The following DGKI variants were observed in gnomAD, a reference collection of about 807,000 sequenced individuals.
DGKI encodes DAG kinase iota.
In DGKI, 55 loss-of-function variants were observed where a neutral mutation model predicts 147.5. That is an observed-to-expected ratio of 0.37 (90% CI 0.30 to 0.47). The LOEUF is 0.47. Ranked by LOEUF, DGKI falls within the 20% of genes least tolerant of loss-of-function variation. DGKI has a pLI of 1.00. For missense variants in DGKI, 1,007 were observed against 1,323.8 expected, an observed-to-expected ratio of 0.76 and a Z score of 3.71; for synonymous variants, 469 against 477.1, an observed-to-expected ratio of 0.98 and a Z score of 0.22.
chr7:137,678,661 A>C lies in DGKI; in HGVS notation c.511-9T>G. ...CCATTCACGGCATTCTCCTGCAAGG[A>C]AAAGACCCACCTGACATCAATTTTT... On this transcript the variant is annotated splice_polypyrimidine_tract_variant and intron_variant, in intron 2 of 32. Coordinates refer to ENST00000614521, the MANE Select transcript of DGKI (RefSeq NM_001321708.2). The C allele has an allele frequency of 6.2e-7, 1 of 1,610,450 alleles. No homozygotes were observed. The highest frequency in any genetic ancestry group is 8.5e-7 in the Non-Finnish European group (1 of 1,179,274).
chr7:137,464,038 C>T (rs2128925531), intron 26 of DGKI, among the ~76,000 whole-genome samples: 1 of 152,028 alleles, frequency 6.6e-6, no homozygotes, highest in East Asian at 1.9e-4. Context: ...GGAGCTAGAG[C>T]TAACAGAGGT....
At chr7:137,821,571 C>G (rs951311024) in intron 1 of DGKI, among the ~76,000 whole-genome samples, 1 of 151,290 alleles carries the variant, frequency 6.6e-6, no homozygotes, top group African/African-American at 2.4e-5. Flanking sequence ...CTATGGTGAG[C>G]TGGACACATA....
chr7:137,420,046 T>G lies in DGKI; in HGVS notation c.2762-7839A>C, dbSNP rs572069883. On this transcript the variant is annotated intron_variant, in intron 28 of 32. Coordinates refer to ENST00000614521, the MANE Select transcript of DGKI (RefSeq NM_001321708.2). ...CTGGCAGCAGTTGGAGCTGCTCCACTAAGAGCTGAAAGATCCAGTTCAAAT... is the reference window on the plus strand; with the variant it reads ...CTGGCAGCAGTTGGAGCTGCTCCACGAAGAGCTGAAAGATCCAGTTCAAAT... 3.3e-5 allele frequency among the ~76,000 whole-genome samples: 5 copies of G among 152,342 alleles called. No individual in the cohort carries two copies. In the East Asian group the frequency reaches 9.7e-4, roughly 29 times the overall value.
intron 14 of DGKI, among the ~76,000 whole-genome samples, chr7:137,584,375 A>C (rs554708236): frequency 7.9e-4 from 121 of 152,342 alleles, no homozygotes; most frequent in African/African-American, 2.8e-3. Context: ...ATTTATCTGA[A>C]ATTGAGGCCA....
intron 8 of DGKI, among the ~76,000 whole-genome samples, chr7:137,610,057 GT>G (rs889246674): frequency 3.2e-4 from 48 of 147,790 alleles, no homozygotes; most frequent in African/African-American, 1.0e-3. Context: ...TTTCTTTTTT[GT>G]TTTTTTTTTC....
chr7:137,550,603 T>C (rs1483665059), intron 20 of DGKI, among the ~76,000 whole-genome samples: 1 of 152,220 alleles, frequency 6.6e-6, no homozygotes, highest in Non-Finnish European at 1.5e-5. Flanking sequence ...TGTGCTTCTA[T>C]AGATGCAGAA....
intron 3 of DGKI, among the ~76,000 whole-genome samples, 185 bp from the exon 4 acceptor site, chr7:137,656,725 GTC>G (rs1475956089): frequency 6.6e-6 from 1 of 152,112 alleles, no homozygotes; most frequent in African/African-American, 2.4e-5. Context: ...TTTATCAACA[GTC>G]TCTGCACTCA....
At chr7:137,840,819 A>G (rs1798523303) in intron 1 of DGKI, among the ~76,000 whole-genome samples, 1 of 152,270 alleles carries the variant, frequency 6.6e-6, no homozygotes, top group Admixed American at 6.5e-5. Context: ...TTCAATAAAT[A>G]CTTATCCAAC....
chr7:137,439,122 C>T (rs1813393786), intron 28 of DGKI, among the ~76,000 whole-genome samples: 1 of 152,118 alleles, frequency 6.6e-6, no homozygotes, highest in African/African-American at 2.4e-5. Context: ...GCCAAGTACA[C>T]AGTAGTTCGT....
At chr7:137,734,777 G>A (rs1304852819) in intron 1 of DGKI, among the ~76,000 whole-genome samples, 1 of 152,058 alleles carries the variant, frequency 6.6e-6, no homozygotes, top group Non-Finnish European at 1.5e-5. Flanking sequence ...TTCCAATGCA[G>A]CAACAGAGAA....
intron 28 of DGKI, among the ~76,000 whole-genome samples, chr7:137,437,613 C>T (rs1813332635): frequency 1.3e-5 from 2 of 152,042 alleles, no homozygotes; most frequent in African/African-American, 4.8e-5. Context: ...TAAAAAATTT[C>T]ACCACAAAAT....
rs1405372006 is a variant in DGKI at position 137,602,034 on chromosome 7, G to A, written c.1168-2129C>T. On this transcript the variant is annotated intron_variant, in intron 10 of 32. Transcript: ENST00000614521. The stretch of plus-strand genomic sequence containing the variant: ...ACTAGATCATTTTCCCTCTTCTCAC[G>A]CTGAGCCTTGCTATGAAGTGTGTTT... Among the ~76,000 whole-genome samples the A allele has an allele frequency of 5.9e-5, 9 of 151,618 alleles. 1 individual carries two copies. The highest frequency in any genetic ancestry group is 5.9e-4 in the Admixed American group (9 of 15,184).
chr7:137,715,688 G>A (rs1794354781), intron 1 of DGKI, among the ~76,000 whole-genome samples: 1 of 152,272 alleles, frequency 6.6e-6, no homozygotes, highest in East Asian at 1.9e-4. Context: ...ATGAACAAAG[G>A]GTGTGCAAAG....
intron 1 of DGKI, among the ~76,000 whole-genome samples, chr7:137,830,362 C>T (rs1477312405): frequency 1.3e-5 from 2 of 152,234 alleles, no homozygotes; most frequent in Non-Finnish European, 2.9e-5. Context: ...GAAACCCAGC[C>T]TCAGTGCCCC....
chr7:137,825,711 C>T (rs896408415), intron 1 of DGKI, among the ~76,000 whole-genome samples: 2 of 151,660 alleles, frequency 1.3e-5, no homozygotes, highest in African/African-American at 4.9e-5. Context: ...CATACACTCA[C>T]ACACATACAC....
intron 10 of DGKI, among the ~76,000 whole-genome samples, chr7:137,604,125 T>C (rs910633029): frequency 4.6e-5 from 7 of 152,138 alleles, no homozygotes; most frequent in African/African-American, 1.7e-4. Context: ...TTTCCATAGG[T>C]TCATCATTTG....
At chr7:137,799,595 T>A (rs1440226991) in intron 1 of DGKI, among the ~76,000 whole-genome samples, 8 of 152,230 alleles carry the variant, frequency 5.3e-5, no homozygotes, top group Admixed American at 3.9e-4. Flanking sequence ...TTTACTCTTT[T>A]AAAAGTGATT....
chr7:137,802,117 T>C (rs1159918652), intron 1 of DGKI, among the ~76,000 whole-genome samples: 2 of 152,170 alleles, frequency 1.3e-5, no homozygotes, highest in African/African-American at 4.8e-5. Context: ...CTGGAGGCCA[T>C]TATTCTATGT....
intron 2 of DGKI, among the ~76,000 whole-genome samples, chr7:137,679,128 G>A (rs1421996717): frequency 6.6e-6 from 1 of 152,196 alleles, no homozygotes; most frequent in Non-Finnish European, 1.5e-5. Flanking sequence ...AGTTATACCA[G>A]TAATAGGTAA....
Sources: allele counts gnomAD v4.1 joint callset (sites outside exome capture counted in the v4.1 genomes callset), GRCh38; gene constraint gnomAD v4.1.1; transcripts MANE v1.5; gene names NCBI Gene and HGNC (gene_info 2026-07-23, HGNC 2026-07-21).